Variants in SERTM1 observed in about 807,000 individuals in gnomAD.
SERTM1 encodes serine rich and transmembrane domain containing 1.
A neutral mutation model predicts 5.5 loss-of-function variants in SERTM1; 1 was observed. The ratio of observed to expected loss-of-function variants is 0.18; its 90% confidence interval spans 0.06 to 0.86. The LOEUF (loss-of-function observed/expected upper bound fraction) is 0.86. SERTM1 is among the 40% of genes least tolerant of loss of function. The pLI, the probability that SERTM1 is intolerant of heterozygous loss-of-function variation, is 0.69. For missense variants in SERTM1, 91 were observed against 122.4 expected, an observed-to-expected ratio of 0.74 and a Z score of 1.21; for synonymous variants, 52 against 55.1, an observed-to-expected ratio of 0.94 and a Z score of 0.25.
intron 1 of SERTM1, among the ~76,000 whole-genome samples, chr13:36,684,852 T>G (rs1022430884): frequency 4.6e-5 from 7 of 152,202 alleles, no homozygotes; most frequent in African/African-American, 1.7e-4. Flanking sequence ...GTACTAAAGA[T>G]TATCCATAAT....
In SERTM1 at chr13:36,697,247, A is replaced by G. The variant is rs551356688; in HGVS notation, c.*1845A>G. On this transcript the variant is annotated 3_prime_UTR_variant, in exon 2 of 2. Coordinates refer to ENST00000315190, the MANE Select transcript of SERTM1 (RefSeq NM_203451.3). ...ACTAGATAAACTGCTATTTTAGAGCATTATTAGCATTCTCTGAATATATGT... is the reference window on the plus strand; with the variant it reads ...ACTAGATAAACTGCTATTTTAGAGCGTTATTAGCATTCTCTGAATATATGT... The G allele has an allele frequency of 3.6e-5, 6 of 165,246 alleles. No homozygotes were observed. The South Asian group carries it at 1.3e-3, about 35-fold the overall frequency. The allele number at this position is 165,246 out of a possible 1,614,324, so 10.2% of individuals were successfully genotyped here. A position where few individuals can be genotyped will look rare whatever the true frequency, so the allele number is the denominator to read the frequency against.
intron 1 of SERTM1, among the ~76,000 whole-genome samples, chr13:36,677,041 A>G (rs1035948037): frequency 6.6e-6 from 1 of 152,162 alleles, no homozygotes; most frequent in African/African-American, 2.4e-5. Flanking sequence ...GGAGCCGGGC[A>G]ACAGTCTACT....
chr13:36,690,264 C>A (rs2056769577), intron 1 of SERTM1, among the ~76,000 whole-genome samples: 1 of 152,074 alleles, frequency 6.6e-6, no homozygotes, highest in African/African-American at 2.4e-5. Context: ...TTTTATCATG[C>A]CAATTGAAGG....
At position 36,697,273 on chromosome 13, in the gene SERTM1, A is replaced by G. The variant is rs9576100; in HGVS notation, c.*1871A>G. On this transcript the variant is annotated 3_prime_UTR_variant, in exon 2 of 2. Transcript: ENST00000315190. ...TTATTAGCATTCTCTGAATATATGT[A>G]TATATACATATATATACGCACACAC... 5 of 143,868 alleles carry G rather than the reference A, an allele frequency of 3.5e-5. No homozygotes were observed. In the South Asian group the frequency reaches 1.1e-3, roughly 31 times the overall value. The allele number at this position is 143,868 out of a possible 1,614,324, so 8.9% of individuals were successfully genotyped here.
intron 1 of SERTM1, among the ~76,000 whole-genome samples, chr13:36,690,112 T>A (rs2056768498): frequency 6.6e-6 from 1 of 152,252 alleles, no homozygotes; most frequent in South Asian, 2.1e-4. Flanking sequence ...TGTTCATTTT[T>A]ATCTTTTGTC....
At chr13:36,684,781 A>T (rs533706979) in intron 1 of SERTM1, among the ~76,000 whole-genome samples, 9 of 152,292 alleles carry the variant, frequency 5.9e-5, no homozygotes, top group Non-Finnish European at 1.2e-4. Context: ...AGCTCACATC[A>T]TCTAAAAGTA....
rs143703399 is a variant in SERTM1 at position 36,687,365 on chromosome 13, A to C, written c.-173-7541A>C. ...AAACAAATACATGATTACGGTTGTC[A>C]ATAGAGATAGATATAAATAGTGACC... On this transcript the variant is annotated intron_variant, in intron 1 of 1. Coordinates refer to ENST00000315190, the MANE Select transcript of SERTM1 (RefSeq NM_203451.3). 7.4e-3 allele frequency among the ~76,000 whole-genome samples: 1,131 copies of C among 152,316 alleles called. 8 individuals carry two copies. Among genetic ancestry groups the C allele is most frequent in the Middle Eastern group, 0.027 (8 of 294 alleles).
chr13:36,677,505 A>C (rs1337348990), intron 1 of SERTM1, among the ~76,000 whole-genome samples: 1 of 152,214 alleles, frequency 6.6e-6, no homozygotes, highest in Admixed American at 6.5e-5. Flanking sequence ...GGTCTGGAAA[A>C]TGTAAGCCTC....
intron 1 of SERTM1, among the ~76,000 whole-genome samples, chr13:36,689,110 T>G (rs1256596852): frequency 6.6e-6 from 1 of 152,240 alleles, no homozygotes; most frequent in East Asian, 1.9e-4. Flanking sequence ...GCTATACATT[T>G]TATTCTAAGA....
chr13:36,677,606 G>A (rs763875044), intron 1 of SERTM1, among the ~76,000 whole-genome samples: 3 of 152,180 alleles, frequency 2.0e-5, no homozygotes, highest in Non-Finnish European at 2.9e-5. Context: ...ATAAGAATCA[G>A]TTTCAAATTA....
chr13:36,695,711 G>T lies in SERTM1; in HGVS notation c.*309G>T, dbSNP rs2056809219. The T allele has an allele frequency of 6.1e-6, 2 of 328,188 alleles. No individual in the cohort carries two copies. The highest frequency in any genetic ancestry group is 1.2e-5 in the Non-Finnish European group (2 of 171,208). The allele number at this position is 328,188 out of a possible 1,614,324, so 20.3% of individuals were successfully genotyped here. On this transcript the variant is annotated 3_prime_UTR_variant, in exon 2 of 2. Coordinates refer to ENST00000315190, the MANE Select transcript of SERTM1 (RefSeq NM_203451.3). ...TGGACGCCGTAGGCTCATCTGAGGT[G>T]GCCTCTCCGTGGATGCTGGACATGG...
intron 1 of SERTM1, among the ~76,000 whole-genome samples, chr13:36,683,831 GA>G (rs1193433416): frequency 6.6e-6 from 1 of 152,196 alleles, no homozygotes; most frequent in Non-Finnish European, 1.5e-5. Context: ...AGGGACATCA[GA>G]AATATTTCGT....
intron 1 of SERTM1, among the ~76,000 whole-genome samples, chr13:36,681,335 G>A (rs1287345724): frequency 1.3e-5 from 2 of 152,118 alleles, no homozygotes; most frequent in Non-Finnish European, 2.9e-5. Flanking sequence ...CATCTCACAG[G>A]GACCTGTAAC....
chr13:36,676,829 A>G (rs913399489), intron 1 of SERTM1, among the ~76,000 whole-genome samples: 1 of 152,214 alleles, frequency 6.6e-6, no homozygotes. Flanking sequence ...AAAGGCTTTA[A>G]ATTAGTTAAT....
intron 1 of SERTM1, among the ~76,000 whole-genome samples, chr13:36,685,486 G>A (rs1593395356): frequency 6.6e-6 from 1 of 152,130 alleles, no homozygotes; most frequent in Non-Finnish European, 1.5e-5. Flanking sequence ...ACAATTTCAG[G>A]TCCCTACCTG....
At chr13:36,675,179 T>C (rs1197297740) in intron 1 of SERTM1, among the ~76,000 whole-genome samples, 1 of 152,056 alleles carries the variant, frequency 6.6e-6, no homozygotes, top group Non-Finnish European at 1.5e-5. Context: ...CCTCTCCCTG[T>C]TAATTTTTCT....
At chr13:36,676,251 A>G (rs2138081920) in intron 1 of SERTM1, among the ~76,000 whole-genome samples, 1 of 152,062 alleles carries the variant, frequency 6.6e-6, no homozygotes, top group South Asian at 2.1e-4. Context: ...CCTTTAAGCA[A>G]ACTTGGAGTT....
chr13:36,679,844 A>T (rs1439599608), intron 1 of SERTM1, among the ~76,000 whole-genome samples: 1 of 152,238 alleles, frequency 6.6e-6, no homozygotes, highest in African/African-American at 2.4e-5. Context: ...AATTATGGTG[A>T]TACCAAATAA....
intron 1 of SERTM1, 44 bp downstream of exon 1, chr13:36,674,228 C>T (rs1184167239): frequency 1.3e-5 from 2 of 152,122 alleles, no homozygotes; most frequent in Middle Eastern, 3.2e-3. Flanking sequence ...TGGGGGTGAA[C>T]TTGCCCTACG....
Sources: allele counts gnomAD v4.1 joint callset (sites outside exome capture counted in the v4.1 genomes callset), GRCh38; gene constraint gnomAD v4.1.1; transcripts MANE v1.5; gene names NCBI Gene and HGNC (gene_info 2026-07-23, HGNC 2026-07-21).